Variants in NELL1 observed in about 807,000 individuals in gnomAD.
NELL1 encodes protein kinase C-binding protein NELL1.
A neutral mutation model predicts 107.4 loss-of-function variants in NELL1; 76 were observed. The observed-to-expected ratio is 0.71, with a 90% CI of 0.59 to 0.86. The LOEUF is 0.86. Among genes scored for constraint, NELL1 ranks in the 40% least tolerant of loss-of-function variants. The probability of loss-of-function intolerance (pLI) is 0.00; values close to 1 mark genes in which losing one functional copy is unlikely to be tolerated. For missense variants in NELL1, 1,024 were observed against 1,005.5 expected, an observed-to-expected ratio of 1.02 and a Z score of -0.25; for synonymous variants, 353 against 341.2, an observed-to-expected ratio of 1.03 and a Z score of -0.38.
chr11:20,715,129 C>T (rs1269624213), intron 2 of NELL1, among the ~76,000 whole-genome samples: 2 of 151,946 alleles, frequency 1.3e-5, no homozygotes, highest in Non-Finnish European at 2.9e-5. Flanking sequence ...CCTGTAGTCC[C>T]AGCTACTCGG....
intron 15 of NELL1, among the ~76,000 whole-genome samples, chr11:21,480,913 C>T (rs1421229584): frequency 1.3e-5 from 2 of 152,170 alleles, no homozygotes; most frequent in East Asian, 3.8e-4. Flanking sequence ...TGCCTTTTAT[C>T]TCTTTCTCAC....
At position 20,693,598 on chromosome 11, in the gene NELL1, A is replaced by G. The variant is rs538861705; in HGVS notation, c.184+15538A>G. On this transcript the variant is annotated intron_variant, in intron 2 of 19. Transcript: ENST00000357134. ...GGGTTGAAAATTCTTTTCTTTAAGA[A>G]CGTTGAATATTGGCCCCCACTCTTT... 3.7e-4 allele frequency among the ~76,000 whole-genome samples: 57 copies of G among 152,132 alleles called. 1 individual carries two copies. The South Asian group carries it at 0.011, about 31-fold the overall frequency.
At chr11:21,378,685 A>G (rs900725509) in intron 15 of NELL1, among the ~76,000 whole-genome samples, 2 of 150,980 alleles carry the variant, frequency 1.3e-5, no homozygotes, top group Admixed American at 6.6e-5. Flanking sequence ...AATTTCTCTT[A>G]TGGTGTAAGA....
chr11:21,506,133 T>C (rs1855273483), intron 15 of NELL1, among the ~76,000 whole-genome samples: 1 of 152,198 alleles, frequency 6.6e-6, no homozygotes, highest in Admixed American at 6.5e-5. Context: ...ATAATGATAT[T>C]GTTAAAAGGC....
chr11:20,865,930 C>T (rs1849087047), intron 4 of NELL1, among the ~76,000 whole-genome samples: 2 of 152,288 alleles, frequency 1.3e-5, no homozygotes, highest in South Asian at 4.1e-4. Context: ...CTGGCTCACT[C>T]TCTGGCTTCA....
At chr11:20,770,689 C>G (rs895857191) in intron 2 of NELL1, 2 of 152,046 alleles carry the variant, frequency 1.3e-5, no homozygotes, top group African/African-American at 2.4e-5. Flanking sequence ...CTTTTTAGGA[C>G]AGTGGAAATA....
intron 12 of NELL1, among the ~76,000 whole-genome samples, chr11:21,075,855 G>A (rs1226340633): frequency 6.6e-6 from 1 of 152,120 alleles, no homozygotes; most frequent in Non-Finnish European, 1.5e-5. Context: ...CGGTCATGGG[G>A]TACAGAGTTC....
intron 2 of NELL1, among the ~76,000 whole-genome samples, chr11:20,691,259 A>T (rs932605041): frequency 1.3e-5 from 2 of 151,574 alleles, no homozygotes; most frequent in Non-Finnish European, 2.9e-5. Context: ...TCTTTTCCTA[A>T]TTGAATACCC....
At chr11:21,173,732 G>C (rs1004914632) in intron 13 of NELL1, among the ~76,000 whole-genome samples, 5 of 151,436 alleles carry the variant, frequency 3.3e-5, no homozygotes, top group African/African-American at 1.2e-4. Flanking sequence ...CTTGATTATT[G>C]CTTGATATGT....
intron 14 of NELL1, among the ~76,000 whole-genome samples, chr11:21,270,033 T>C (rs1848710024): frequency 6.6e-6 from 1 of 151,990 alleles, no homozygotes; most frequent in Non-Finnish European, 1.5e-5. Context: ...GGCAATCGCT[T>C]TTTGTTTAAA....
chr11:20,816,856 A>G (rs561421366), intron 3 of NELL1, among the ~76,000 whole-genome samples: 33 of 152,222 alleles, frequency 2.2e-4, no homozygotes, highest in African/African-American at 6.3e-4. Flanking sequence ...ATGAAGAGAT[A>G]TTGGAGTTTA....
Position 20,705,324 on chromosome 11 carries a change from C to T in NELL1, c.184+27264C>T, listed in dbSNP as rs544502492. Among the ~76,000 whole-genome samples, 218 of 152,112 alleles carry T rather than the reference C, an allele frequency of 1.4e-3. 1 individual carries two copies. Among genetic ancestry groups the T allele is most frequent in the Admixed American group, 2.5e-3 (38 of 15,260 alleles). Reference sequence around the variant, plus strand: ...ACTGGTACCAAAACAGAGATATAGACCAATGGAACAGAACAGAGCCCTCAG... The same window carrying T: ...ACTGGTACCAAAACAGAGATATAGATCAATGGAACAGAACAGAGCCCTCAG... On this transcript the variant is annotated intron_variant, in intron 2 of 19. Coordinates refer to ENST00000357134, the MANE Select transcript of NELL1 (RefSeq NM_006157.5).
chr11:20,929,124 G>T (rs556610903), intron 9 of NELL1, among the ~76,000 whole-genome samples: 8 of 152,324 alleles, frequency 5.3e-5, no homozygotes, highest in Non-Finnish European at 1.0e-4. Context: ...CATGAGGCTG[G>T]TGAGTGGCAG....
chr11:21,348,377 T>C (rs2133715440), intron 14 of NELL1, among the ~76,000 whole-genome samples: 1 of 152,294 alleles, frequency 6.6e-6, no homozygotes, highest in African/African-American at 2.4e-5. Context: ...TGCTGAGCTC[T>C]AGGGGAGATA....
At chr11:21,100,975 G>A (rs1271364669) in intron 12 of NELL1, among the ~76,000 whole-genome samples, 3 of 151,358 alleles carry the variant, frequency 2.0e-5, no homozygotes, top group Admixed American at 1.3e-4. Context: ...ATCTCCAAAT[G>A]CTATCCCTCC....
chr11:20,858,378 C>T (rs1160598100), intron 4 of NELL1, among the ~76,000 whole-genome samples: 1 of 152,182 alleles, frequency 6.6e-6, no homozygotes, highest in African/African-American at 2.4e-5. Context: ...CAAGTGTTGG[C>T]AAAGTAGCTA....
intron 12 of NELL1, among the ~76,000 whole-genome samples, chr11:21,090,751 A>G (rs1854502335): frequency 1.3e-5 from 2 of 152,202 alleles, no homozygotes; most frequent in African/African-American, 4.8e-5. Context: ...TGAGATTTGA[A>G]TTGAGGCAAA....
intron 16 of NELL1, among the ~76,000 whole-genome samples, chr11:21,538,540 T>A (rs1002401276): frequency 1.3e-5 from 2 of 152,122 alleles, no homozygotes; most frequent in East Asian, 1.9e-4. Flanking sequence ...AACTTGTATA[T>A]CTTTATAATG....
At chr11:20,812,791 G>C (rs1462405498) in intron 3 of NELL1, among the ~76,000 whole-genome samples, 1 of 151,606 alleles carries the variant, frequency 6.6e-6, no homozygotes, top group African/African-American at 2.4e-5. Context: ...GGCGGATCAC[G>C]AGGTCAGGAG....
Sources: gnomAD v4.1 joint callset for allele counts (sites outside exome capture counted in the v4.1 genomes callset) on GRCh38, gnomAD v4.1.1 for gene constraint, MANE v1.5 for transcripts, NCBI Gene and HGNC (gene_info 2026-07-23, HGNC 2026-07-21) for gene names.